CCNJL: variants seen among roughly 807,000 people sequenced by gnomAD.
CCNJL encodes the protein cyclin-J-like protein.
Under a neutral mutation model 33.4 loss-of-function variants are expected in CCNJL, and 33 were observed. The observed-to-expected ratio is 0.99, with a 90% CI of 0.75 to 1.32. The LOEUF (loss-of-function observed/expected upper bound fraction) is 1.32. Ranked by LOEUF, CCNJL falls within the 40% of genes most tolerant of loss-of-function variation. The pLI is 0.00. For synonymous variants in CCNJL, 227 were observed against 220.9 expected (o/e 1.03, Z -0.24); for missense variants, 512 against 499.7 (o/e 1.02, Z -0.23).
intron 2 of CCNJL, 61 bp downstream of exon 2, chr5:160,311,797 A>G (rs1763267962): frequency 6.6e-7 from 1 of 1,509,382 alleles, no homozygotes; most frequent in South Asian, 1.1e-5. Context: ...GAGAACACGA[A>G]GTCGAGACCG....
At chr5:160,259,412 G>A (rs1761216713) in intron 4 of CCNJL, 57 bp downstream of exon 4, 27 of 1,513,642 alleles carry the variant, frequency 1.8e-5, no homozygotes, top group East Asian at 9.0e-5. Flanking sequence ...GCCTGACCCC[G>A]ACCCCTGGGT....
rs146128715 is a variant in CCNJL, at chr5:160,309,187, T to C, written c.66+2671A>G. Among the ~76,000 whole-genome samples the C allele has an allele frequency of 3.3e-3, 509 of 152,296 alleles. 4 individuals carry two copies. The highest frequency in any genetic ancestry group is 0.012 in the African/African-American group (490 of 41,556). On this transcript the variant is annotated intron_variant, in intron 2 of 5. Transcript: ENST00000257536. ...TAAATTCTGGCTATTCTGGGAAGAA[T>C]GGATGATAGGGGCCAGATTTAGAGA...
chr5:160,272,311 G>A (rs973729540), intron 3 of CCNJL, among the ~76,000 whole-genome samples: 9 of 152,194 alleles, frequency 5.9e-5, no homozygotes, highest in African/African-American at 2.2e-4. Flanking sequence ...GCAAAGGGGA[G>A]TGATGCTGGT....
chr5:160,289,464 C>T (rs1324495617), intron 2 of CCNJL, among the ~76,000 whole-genome samples: 1 of 152,086 alleles, frequency 6.6e-6, no homozygotes, highest in African/African-American at 2.4e-5. Context: ...CTTAGGGTAA[C>T]CCATGGCAGA....
At chr5:160,330,865 T>C (rs537697558) in intron 1 of CCNJL, among the ~76,000 whole-genome samples, 1 of 152,290 alleles carries the variant, frequency 6.6e-6, no homozygotes, top group African/African-American at 2.4e-5. Flanking sequence ...GGTTTCACCA[T>C]GTTGGCCGGG....
At chr5:160,328,488 G>A (rs182968030) in intron 1 of CCNJL, among the ~76,000 whole-genome samples, 291 of 152,176 alleles carry the variant, frequency 1.9e-3, no homozygotes, top group Non-Finnish European at 2.2e-3. Context: ...TGGGCATGGT[G>A]GCTCAAGCCT....
At position 160,335,350 on chromosome 5, in the gene CCNJL, A is replaced by G. The variant is rs148759929; in HGVS notation, n.206+4095T>C. ...TATTTATATATCTATATTTTTATGT[A>G]CCTGGATATATAGAATTTATATATT... is the stretch of plus-strand genomic sequence containing the variant. On this transcript the variant is annotated intron_variant and non_coding_transcript_variant, in intron 1 of 7. Coordinates refer to the CCNJL transcript ENST00000377503. Among the ~76,000 whole-genome samples, 755 of 152,312 alleles carry G rather than the reference A, an allele frequency of 5.0e-3. 10 individuals are homozygous for G. The highest frequency in any genetic ancestry group is 0.017 in the African/African-American group (694 of 41,568).
Position 160,257,343 on chromosome 5 carries a change from C to T in CCNJL, c.584-1635G>A, listed in dbSNP as rs1307496930. On this transcript the variant is annotated intron_variant, in intron 4 of 5. Transcript: ENST00000257536. ...ACAAAAAATTAGCCAGGCGTGGTGG[C>T]GGGCGCCTGTAATCCCAGCTACTCG... 1.1e-4 allele frequency among the ~76,000 whole-genome samples: 16 copies of T among 150,774 alleles called. No individual in the cohort carries two copies. The South Asian group carries it at 1.5e-3, about 14-fold the overall frequency.
chr5:160,312,055 C>T, intron 1 of CCNJL, 83 bp from the exon 2 acceptor site: 1 of 867,758 alleles, frequency 1.2e-6, no homozygotes, highest in Non-Finnish European at 1.8e-6. Context: ...TCGCCCCTGG[C>T]CCCGGGCCCC....
At chr5:160,262,838 A>T (rs1761403726) in intron 3 of CCNJL, among the ~76,000 whole-genome samples, 1 of 152,158 alleles carries the variant, frequency 6.6e-6, no homozygotes, top group Admixed American at 6.5e-5. Flanking sequence ...TCCTCCTGGG[A>T]CTGTGAGTGG....
intron 1 of CCNJL, among the ~76,000 whole-genome samples, chr5:160,318,879 A>G (rs1763408193): frequency 6.6e-6 from 1 of 152,222 alleles, no homozygotes; most frequent in African/African-American, 2.4e-5. Context: ...GCATAATATA[A>G]ATGATAAAAA....
intron 2 of CCNJL, among the ~76,000 whole-genome samples, chr5:160,296,895 G>A (rs905060279): frequency 7.9e-5 from 12 of 152,156 alleles, no homozygotes; most frequent in African/African-American, 2.9e-4. Context: ...TTGGTATAGC[G>A]GTAGGAGTGA....
chr5:160,288,972 C>T (rs1035353214), intron 2 of CCNJL, among the ~76,000 whole-genome samples: 1 of 152,114 alleles, frequency 6.6e-6, no homozygotes, highest in African/African-American at 2.4e-5. Flanking sequence ...TAGCGATCTA[C>T]AACTGCTTCC....
At chr5:160,304,546 AGAG>A (rs113773888) in intron 2 of CCNJL, among the ~76,000 whole-genome samples, 14,627 of 152,174 alleles carry the variant, frequency 0.096, 765 homozygotes, top group South Asian at 0.2. Flanking sequence ...CCCTGCCATT[AGAG>A]GAGGAAAGAG....
intron 3 of CCNJL, among the ~76,000 whole-genome samples, chr5:160,267,749 A>G (rs1465255731): frequency 1.3e-5 from 2 of 152,164 alleles, no homozygotes; most frequent in Non-Finnish European, 2.9e-5. Flanking sequence ...TGTTGAAGAG[A>G]TAGTGTCTCA....
intron 3 of CCNJL, among the ~76,000 whole-genome samples, chr5:160,272,275 G>C (rs1463774397): frequency 6.6e-6 from 1 of 152,204 alleles, no homozygotes; most frequent in African/African-American, 2.4e-5. Flanking sequence ...AGTAATCAAA[G>C]CAGGGGTGAG....
At chr5:160,302,258 A>C (rs1366881697) in intron 2 of CCNJL, among the ~76,000 whole-genome samples, 1 of 152,226 alleles carries the variant, frequency 6.6e-6, no homozygotes, top group Non-Finnish European at 1.5e-5. Flanking sequence ...GAAGGACAGA[A>C]AATGACATAG....
chr5:160,308,780 C>T (rs1763174259), intron 2 of CCNJL, among the ~76,000 whole-genome samples: 1 of 152,070 alleles, frequency 6.6e-6, no homozygotes, highest in Non-Finnish European at 1.5e-5. Context: ...ACCAAACAAA[C>T]AAAAAACAGA....
At chr5:160,292,248 C>T (rs776821037) in intron 2 of CCNJL, among the ~76,000 whole-genome samples, 3 of 152,140 alleles carry the variant, frequency 2.0e-5, no homozygotes, top group Non-Finnish European at 4.4e-5. Context: ...TTTGGAATTG[C>T]TCATTATGAT....
Sources: gnomAD v4.1 joint callset for allele counts (sites outside exome capture counted in the v4.1 genomes callset) on GRCh38, gnomAD v4.1.1 for gene constraint, MANE v1.5 for transcripts, NCBI Gene and HGNC (gene_info 2026-07-23, HGNC 2026-07-21) for gene names.